WDR26: variants seen among roughly 807,000 people sequenced by gnomAD.
WDR26 encodes WD repeat-containing protein 26.
A neutral mutation model predicts 84.1 loss-of-function variants in WDR26; 5 were observed. The observed-to-expected ratio is 0.06, with a 90% CI of 0.03 to 0.13. The LOEUF (loss-of-function observed/expected upper bound fraction) is 0.13, where lower values mean the gene tolerates loss of function less well. WDR26 is among the 10% of genes least tolerant of loss of function. The probability of loss-of-function intolerance (pLI) is 1.00; values close to 1 mark genes in which losing one functional copy is unlikely to be tolerated. For missense variants in WDR26, 642 were observed against 974.9 expected (o/e 0.66, Z 4.55); for synonymous variants, 415 against 389.6 (o/e 1.07, Z -0.77).
chr1:224,419,647 TA>T, intron 4 of WDR26, 32 bp from the exon 5 acceptor site: 1 of 1,514,248 alleles, frequency 6.6e-7, no homozygotes. Context: ...CAACCAATAT[TA>T]AACCCATTTC....
In WDR26 at chr1:224,418,370, A is replaced by C. The variant is rs775232106; in HGVS notation, c.1209T>G (p.Thr403=). Residue 403 remains threonine (T), a synonymous_variant, in exon 6 of 14, where the codon ACT becomes ACG. Transcript: ENST00000414423. Reference sequence around the variant, plus strand: ...GTAGTTCCACCGCCTGCCGCAGGAGAGTCTGTAAACGCCGTGGGGGAAGCA... The same window carrying C: ...GTAGTTCCACCGCCTGCCGCAGGAGCGTCTGTAAACGCCGTGGGGGAAGCA... 6.2e-7 allele frequency: 1 copy of C among 1,613,550 alleles called. No homozygotes were observed. The highest frequency in any genetic ancestry group is 8.5e-7 in the Non-Finnish European group (1 of 1,179,694).
chr1:224,391,096 AT>A (rs1053011580), intron 13 of WDR26, among the ~76,000 whole-genome samples: 7 of 151,824 alleles, frequency 4.6e-5, no homozygotes, highest in African/African-American at 1.2e-4. Flanking sequence ...AAAAAAAAAA[AT>A]ATCATGCCTG....
intron 6 of WDR26, among the ~76,000 whole-genome samples, chr1:224,415,512 G>A (rs555881461): frequency 3.1e-4 from 44 of 140,200 alleles, no homozygotes; most frequent in African/African-American, 1.2e-3. Flanking sequence ...CCAAGCTGGA[G>A]TGCAGTGGCG....
At position 224,389,417 on chromosome 1, in the gene WDR26, A is replaced by C; in HGVS notation, c.*418T>G. The C allele has an allele frequency of 2.3e-6, 1 of 428,244 alleles. No individual in the cohort carries two copies. Among genetic ancestry groups the C allele is most frequent in the Non-Finnish European group, 4.1e-6 (1 of 245,104 alleles). The allele number at this position is 428,244 out of a possible 1,614,324, so 26.5% of individuals were successfully genotyped here. A position where few individuals can be genotyped will look rare whatever the true frequency, so the allele number is the denominator to read the frequency against. Reference sequence around the variant, plus strand: ...CTATCCAATGTATACTCTTCAGACTAATGCACTCTTTCTATCAAGCCTTCT... The same window carrying C: ...CTATCCAATGTATACTCTTCAGACTCATGCACTCTTTCTATCAAGCCTTCT... On this transcript the variant is annotated 3_prime_UTR_variant, in exon 14 of 14. Transcript: ENST00000414423.
chr1:224,420,874 A>C (rs1674041260), intron 4 of WDR26, among the ~76,000 whole-genome samples: 1 of 152,156 alleles, frequency 6.6e-6, no homozygotes, highest in Non-Finnish European at 1.5e-5. Context: ...CTGAGATTAC[A>C]GGCGTGTGCC....
chr1:224,389,054 T>TTA lies in WDR26; in HGVS notation c.*779_*780dup, dbSNP rs78210807. ...ATGTGGTATTCCAGAAGAGCATCAGTTATACTGTGTATCTAAGTCATTGAG... is the reference window on the plus strand; with the variant it reads ...ATGTGGTATTCCAGAAGAGCATCAGTTATATACTGTGTATCTAAGTCATTGAG... On this transcript the variant is annotated 3_prime_UTR_variant, in exon 14 of 14. Transcript: ENST00000414423. 2 of 152,766 alleles carry TTA rather than the reference T, an allele frequency of 1.3e-5. No homozygotes were observed. Among genetic ancestry groups the TTA allele is most frequent in the East Asian group, 3.9e-4 (2 of 5,190 alleles). 9.5% of individuals were successfully genotyped at this position (152,766 alleles called of 1,614,324 possible).
intron 4 of WDR26, among the ~76,000 whole-genome samples, chr1:224,421,451 G>A (rs1235980406): frequency 1.3e-5 from 2 of 152,128 alleles, no homozygotes; most frequent in Admixed American, 6.6e-5. Context: ...TTAACTGGGC[G>A]TGGTGGTGCA....
In WDR26 at chr1:224,389,800, A is replaced by C; in HGVS notation, c.*35T>G. On this transcript the variant is annotated 3_prime_UTR_variant, in exon 14 of 14. Coordinates refer to ENST00000414423, the MANE Select transcript of WDR26 (RefSeq NM_001379403.1). ...AAGCCATTAAAATACGACTAATTTT[A>C]AGTTAAACAGAAGTCGTCTGCTCCA... 1 of 1,586,002 alleles carries C rather than the reference A, an allele frequency of 6.3e-7. No homozygotes were observed. Among genetic ancestry groups the C allele is most frequent in the Non-Finnish European group, 8.6e-7 (1 of 1,159,014 alleles).
At chr1:224,401,651 G>A (rs1243318858) in intron 8 of WDR26, among the ~76,000 whole-genome samples, 2 of 105,942 alleles carry the variant, frequency 1.9e-5, no homozygotes, top group Admixed American at 1.3e-4. Context: ...TCCAACCTGG[G>A]TGACAGAGTG....
chr1:224,400,869 C>T, intron 9 of WDR26, 81 bp downstream of exon 9: 2 of 1,556,902 alleles, frequency 1.3e-6, no homozygotes, highest in Non-Finnish European at 8.7e-7. Flanking sequence ...TTGTAAGATA[C>T]TGAGTCAAGG....
chr1:224,419,098 C>A (rs940021796), intron 5 of WDR26, among the ~76,000 whole-genome samples: 1 of 152,078 alleles, frequency 6.6e-6, no homozygotes, highest in Non-Finnish European at 1.5e-5. Context: ...AAAAATGAAA[C>A]CTGCATTACA....
chr1:224,419,717 C>T, intron 4 of WDR26, 102 bp from the exon 5 acceptor site: 1 of 849,174 alleles, frequency 1.2e-6, no homozygotes, highest in Non-Finnish European at 1.9e-6. Flanking sequence ...CTTACTAATA[C>T]ATGTCAAGAA....
At chr1:224,390,549 T>C (rs981674564) in intron 13 of WDR26, among the ~76,000 whole-genome samples, 6 of 152,258 alleles carry the variant, frequency 3.9e-5, no homozygotes, top group African/African-American at 7.2e-5. Flanking sequence ...GTTATAACTA[T>C]GGAGTTGTTA....
chr1:224,432,924 A>G (rs1674438701), intron 1 of WDR26, among the ~76,000 whole-genome samples: 1 of 152,212 alleles, frequency 6.6e-6, no homozygotes, highest in Non-Finnish European at 1.5e-5. Flanking sequence ...ACCCTATGTT[A>G]GGTATACAAG....
chr1:224,396,997 G>A (rs1185576502), intron 12 of WDR26, among the ~76,000 whole-genome samples: 3 of 152,134 alleles, frequency 2.0e-5, no homozygotes, highest in Admixed American at 6.5e-5. Flanking sequence ...CCTTAAATAT[G>A]CCTTATTCTT....
intron 10 of WDR26, 82 bp from the exon 11 acceptor site, chr1:224,398,675 T>C: frequency 7.4e-7 from 1 of 1,357,678 alleles, no homozygotes; most frequent in Non-Finnish European, 1.0e-6. Flanking sequence ...ATGTGCTAGC[T>C]TAAGTATGAC....
rs1673028203 is a variant in WDR26 at position 224,388,021 on chromosome 1, AC to A, written c.*1813del. 6.6e-6 allele frequency: 1 copy of A among 152,612 alleles called. No individual in the cohort carries two copies. Among genetic ancestry groups the A allele is most frequent in the South Asian group, 2.1e-4 (1 of 4,834 alleles). The allele number at this position is 152,612 out of a possible 1,614,324, so 9.5% of individuals were successfully genotyped here. On this transcript the variant is annotated 3_prime_UTR_variant, in exon 14 of 14. Transcript: ENST00000414423. ...TGGAGCTTGAAGAAATCTTTTACAT[AC>A]CAATTTGATAAGAGTCTGCTGACCA...
intron 4 of WDR26, among the ~76,000 whole-genome samples, chr1:224,421,138 T>C (rs1674050167): frequency 6.6e-6 from 1 of 152,222 alleles, no homozygotes; most frequent in African/African-American, 2.4e-5. Flanking sequence ...CCCTGGGTTC[T>C]GATCCCAGTT....
At chr1:224,408,201 T>C (rs1236221130) in intron 7 of WDR26, among the ~76,000 whole-genome samples, 2 of 152,252 alleles carry the variant, frequency 1.3e-5, no homozygotes, top group East Asian at 3.8e-4. Context: ...AAATGCCATG[T>C]TACGTTTTCT....
Sources: gnomAD v4.1 joint callset for allele counts (sites outside exome capture counted in the v4.1 genomes callset) on GRCh38, gnomAD v4.1.1 for gene constraint, MANE v1.5 for transcripts, NCBI Gene and HGNC (gene_info 2026-07-23, HGNC 2026-07-21) for gene names.